Variants in TNFRSF1A observed in about 807,000 individuals in gnomAD.
TNFRSF1A encodes TNF receptor superfamily member 1A.
Under a neutral mutation model 41.6 loss-of-function variants are expected in TNFRSF1A, and 9 were observed. The observed-to-expected ratio is 0.22, with a 90% CI of 0.13 to 0.38. The LOEUF (loss-of-function observed/expected upper bound fraction) is 0.38. Ranked by LOEUF, TNFRSF1A falls within the 10% of genes least tolerant of loss-of-function variation. The probability of loss-of-function intolerance (pLI) is 1.00; values close to 1 mark genes in which losing one functional copy is unlikely to be tolerated. For missense variants in TNFRSF1A, 463 were observed against 591.5 expected (o/e 0.78, Z 2.25); for synonymous variants, 254 against 248.6 (o/e 1.02, Z -0.21).
At position 6,341,751 on chromosome 12, in the gene TNFRSF1A, C is replaced by T. The variant is rs371726702; in HGVS notation, c.39+25G>A. 4.9e-5 allele frequency: 79 copies of T among 1,613,948 alleles called. No homozygotes were observed. The East Asian group carries it at 1.0e-3, about 21-fold the overall frequency. On this transcript the variant is annotated intron_variant, in intron 1 of 9. Coordinates refer to ENST00000162749, the MANE Select transcript of TNFRSF1A (RefSeq NM_001065.4). This position sits in a 1 kb window ranked among gnomAD's most constrained non-coding sequence, Gnocchi z 4.6. Reference sequence around the variant, plus strand: ...GGAAGGTGCCTCGCCCACCAGCCCACTCTTCCCTTTGTCCCTGGTCTCACC... The same window carrying T: ...GGAAGGTGCCTCGCCCACCAGCCCATTCTTCCCTTTGTCCCTGGTCTCACC...
intron 5 of TNFRSF1A, among the ~76,000 whole-genome samples, chr12:6,332,237 C>T (rs1592046284): frequency 1.3e-5 from 2 of 151,182 alleles, no homozygotes; most frequent in East Asian, 3.9e-4. Flanking sequence ...CCCAGGAGTC[C>T]GAGGCCAGCC....
At chr12:6,339,131 G>A (rs935055204) in intron 1 of TNFRSF1A, among the ~76,000 whole-genome samples, 7 of 152,146 alleles carry the variant, frequency 4.6e-5, no homozygotes, top group Non-Finnish European at 1.0e-4. Flanking sequence ...CCCGAACCAA[G>A]GTGTCTGGCT....
chr12:6,333,800 C>T lies in TNFRSF1A; in HGVS notation c.259G>A (p.Gly87Ser), dbSNP rs1274938366. 1.3e-6 allele frequency: 2 copies of T among 1,587,500 alleles called. No homozygotes were observed. The highest frequency in any genetic ancestry group is 1.7e-6 in the Non-Finnish European group (2 of 1,166,146). The change falls in exon 3 of 10, where the codon GGC (glycine) becomes AGC (serine). Residue 87 changes from glycine to serine, a missense_variant. By Grantham distance (56) the Gly-to-Ser change is moderately conservative (BLOSUM62 0). Around this residue, in one of 4 missense-constraint regions of TNFRSF1A, gnomAD observed 149 missense variants for 239.4 expected, o/e 0.62. Transcript: ENST00000162749. The surrounding 1 kb of genome is among the most constrained non-coding windows in gnomAD (Gnocchi z 6.3). Reference sequence around the variant, plus strand: ...TGGTTTTCTGAAGCGGTGAAGGAGCCGCTCTCACACTCCCTGCAGTCCGTA... The same window carrying T: ...TGGTTTTCTGAAGCGGTGAAGGAGCTGCTCTCACACTCCCTGCAGTCCGTA... ...QDTDCRECES[G>S]SFTASENHLR...
intron 8 of TNFRSF1A, 82 bp downstream of exon 8, chr12:6,330,185 A>T: frequency 6.2e-7 from 1 of 1,611,448 alleles, no homozygotes; most frequent in Non-Finnish European, 8.5e-7. Context: ...AAAGTGAAGG[A>T]TGATTCCAGG....
chr12:6,330,141 G>C (rs202108883), intron 8 of TNFRSF1A, 75 bp from the exon 9 acceptor site: 2 of 1,611,138 alleles, frequency 1.2e-6, no homozygotes, highest in Non-Finnish European at 1.7e-6. Context: ...CTACGTGGGG[G>C]TTGGGACTTA....
chr12:6,339,124 G>A (rs1305445525), intron 1 of TNFRSF1A, among the ~76,000 whole-genome samples: 3 of 151,856 alleles, frequency 2.0e-5, no homozygotes, highest in East Asian at 1.9e-4. Context: ...TTCCACTCCC[G>A]AACCAAGGTG....
At position 6,333,413 on chromosome 12, in the gene TNFRSF1A, C is replaced by A; in HGVS notation, c.426G>T (p.Gln142His). 1 of 1,614,036 alleles carries A rather than the reference C, an allele frequency of 6.2e-7. No individual in the cohort carries two copies. Among genetic ancestry groups the A allele is most frequent in the South Asian group, 1.1e-5 (1 of 91,050 alleles). ...YRHYWSENLF[Q>H]CFNCSLCLNG... is the part of the protein sequence containing the mutation. ...TGAGGCAGAGGCTGCAATTGAAGCA[C>A]TGGAAAAGGTTTTCACTCCAATAAT... Residue 142 changes from glutamine to histidine, a missense_variant, in exon 4 of 10, where the codon CAG becomes CAT. Transcript: ENST00000162749. This position sits in a 1 kb window ranked among gnomAD's most constrained non-coding sequence, Gnocchi z 6.3.
Position 6,329,348 on chromosome 12 carries a change from G to T in TNFRSF1A, c.1332C>A (p.Pro444=). 6.8e-7 allele frequency: 1 copy of T among 1,480,526 alleles called. No individual in the cohort carries two copies. The allele number at this position is 1,480,526 out of a possible 1,614,324, so 91.7% of individuals were successfully genotyped here. A position where few individuals can be genotyped will look rare whatever the true frequency, so the allele number is the denominator to read the frequency against. Residue 444 remains proline (P), a synonymous_variant, in exon 10 of 10, where the codon CCC becomes CCA. Transcript: ENST00000162749. Reference sequence around the variant, plus strand: ...GACTGGGCGCGGGCGGGAGGGCGGCGGGGCCGCAAAGCGCCTCCTCGATGT... The same window carrying T: ...GACTGGGCGCGGGCGGGAGGGCGGCTGGGCCGCAAAGCGCCTCCTCGATGT... The part of the protein sequence containing the change: ...LEDIEEALCG[P]AALPPAPSLL...
rs1203963314 is a variant in TNFRSF1A at position 6,333,972 on chromosome 12, G to A, written c.194-107C>T. ...TTCCCTGAAGTCTCTAGGAGAGGAG[G>A]GAGGGAGAAAATCCCAGCCCAGGAG... On this transcript the variant is annotated intron_variant, in intron 2 of 9. Transcript: ENST00000162749. The surrounding 1 kb of genome is among the most constrained non-coding windows in gnomAD (Gnocchi z 6.3). The A allele has an allele frequency of 2.5e-6, 4 of 1,610,504 alleles. No homozygotes were observed. Among genetic ancestry groups the A allele is most frequent in the Non-Finnish European group, 8.5e-7 (1 of 1,177,652 alleles).
rs900353348 is a variant in TNFRSF1A, at chr12:6,341,070, G to A, written c.39+706C>T. Among the ~76,000 whole-genome samples the A allele has an allele frequency of 3.3e-5, 5 of 152,264 alleles. No individual in the cohort carries two copies. The highest frequency in any genetic ancestry group is 6.8e-3 in the Middle Eastern group (2 of 294). ...CCCTGGGAAGGCTCAGTCCCACAGC[G>A]GCTACCTGCCTAGCAGCAGGCAAAA... On this transcript the variant is annotated intron_variant, in intron 1 of 9. Coordinates refer to ENST00000162749, the MANE Select transcript of TNFRSF1A (RefSeq NM_001065.4). This position sits in a 1 kb window ranked among gnomAD's most constrained non-coding sequence, Gnocchi z 4.6.
chr12:6,333,852 G>A lies in TNFRSF1A; in HGVS notation c.207C>T (p.Tyr69=), dbSNP rs1389848403. The change falls in exon 3 of 10, where the codon TAC becomes TAT. Residue 69 remains tyrosine, a synonymous_variant. Transcript: ENST00000162749. The surrounding 1 kb of genome is among the most constrained non-coding windows in gnomAD (Gnocchi z 6.3). Reference sequence around the variant, plus strand: ...CCTGCCCCGGGCCTGGACAGTCATTGTACAAGTAGGTTCCTGTGAATGGGG... The same window carrying A: ...CCTGCCCCGGGCCTGGACAGTCATTATACAAGTAGGTTCCTGTGAATGGGG... ...CTKCHKGTYL[Y]NDCPGPGQDT... is the part of the protein sequence containing the mutation. The A allele has an allele frequency of 6.2e-7, 1 of 1,602,120 alleles. No individual in the cohort carries two copies. The highest frequency in any genetic ancestry group is 8.5e-7 in the Non-Finnish European group (1 of 1,173,770).
chr12:6,339,252 G>T (rs1948156305), intron 1 of TNFRSF1A, among the ~76,000 whole-genome samples: 1 of 152,150 alleles, frequency 6.6e-6, no homozygotes, highest in African/African-American at 2.4e-5. Context: ...GACAGGCAGT[G>T]ACTTCAGATG....
rs1022586669 is a variant in TNFRSF1A, at chr12:6,337,993, A to G, written c.40-3749T>C. Among the ~76,000 whole-genome samples the G allele has an allele frequency of 5.9e-5, 9 of 152,040 alleles. No individual in the cohort carries two copies. Among genetic ancestry groups the G allele is most frequent in the African/African-American group, 1.7e-4 (7 of 41,390 alleles). On this transcript the variant is annotated intron_variant, in intron 1 of 9. Coordinates refer to ENST00000162749, the MANE Select transcript of TNFRSF1A (RefSeq NM_001065.4). The surrounding 1 kb of genome is among the most constrained non-coding windows in gnomAD (Gnocchi z 4.6). Reference sequence around the variant, plus strand: ...TTTATCTCCGGGGGAGAGTTTTCAGACCATCCCCCCACCTCCCCACACACA... The same window carrying G: ...TTTATCTCCGGGGGAGAGTTTTCAGGCCATCCCCCCACCTCCCCACACACA...
chr12:6,330,452 C>A (rs1358873408), intron 7 of TNFRSF1A, 146 bp downstream of exon 7: 1 of 991,490 alleles, frequency 1.0e-6, no homozygotes, highest in Admixed American at 1.9e-5. Context: ...ATCTCCCCAG[C>A]CATCCAGGGC....
At chr12:6,331,519 T>C (rs4149641) in intron 5 of TNFRSF1A, 2,681 of 204,370 alleles carry the variant, frequency 0.013, 76 homozygotes, top group African/African-American at 0.058. Context: ...GAGCACCCTG[T>C]AGAACTAGCA....
chr12:6,338,387 C>A (rs927938800), intron 1 of TNFRSF1A, among the ~76,000 whole-genome samples: 7 of 152,054 alleles, frequency 4.6e-5, no homozygotes, highest in Non-Finnish European at 7.4e-5. Flanking sequence ...TTGCCTCACA[C>A]CTGGGTTATT....
In TNFRSF1A at chr12:6,341,111, C is replaced by T. The variant is rs1948189203; in HGVS notation, c.39+665G>A. Among the ~76,000 whole-genome samples the T allele has an allele frequency of 6.6e-6, 1 of 152,132 alleles. No homozygotes were observed. The highest frequency in any genetic ancestry group is 2.4e-5 in the African/African-American group (1 of 41,486). On this transcript the variant is annotated intron_variant, in intron 1 of 9. Coordinates refer to ENST00000162749, the MANE Select transcript of TNFRSF1A (RefSeq NM_001065.4). The surrounding 1 kb of genome is among the most constrained non-coding windows in gnomAD (Gnocchi z 4.6). ...GCAGGCAAAAGGGTAAAGAATGTCC[C>T]CAGGTGAGAGGCCGGGGCTTGGCCA... is the stretch of plus-strand genomic sequence containing the variant.
rs941886109 is a variant in TNFRSF1A, at chr12:6,337,414, A to G, written c.40-3170T>C. Among the ~76,000 whole-genome samples the G allele has an allele frequency of 6.6e-6, 1 of 152,142 alleles. No individual in the cohort carries two copies. The highest frequency in any genetic ancestry group is 1.5e-5 in the Non-Finnish European group (1 of 68,018). Reference sequence around the variant, plus strand: ...GTGACTTCCTGTGCTGGGGCTGCAGAGTGGGGAGGCGACGCTGAGATCGGC... The same window carrying G: ...GTGACTTCCTGTGCTGGGGCTGCAGGGTGGGGAGGCGACGCTGAGATCGGC... On this transcript the variant is annotated intron_variant, in intron 1 of 9. Coordinates refer to ENST00000162749, the MANE Select transcript of TNFRSF1A (RefSeq NM_001065.4). The surrounding 1 kb of genome is among the most constrained non-coding windows in gnomAD (Gnocchi z 4.6).
At position 6,329,991 on chromosome 12, in the gene TNFRSF1A, T is replaced by G. The variant is rs1592044218; in HGVS notation, c.844A>C (p.Thr282Pro). Residue 282 changes from threonine to proline, a missense_variant, in exon 9 of 10, where the codon ACC becomes CCC. Physicochemically the swap from Thr to Pro is conservative, Grantham distance 38 (BLOSUM62 -1). Around this residue, in one of 4 missense-constraint regions of TNFRSF1A, gnomAD observed 277 missense variants for 288.8 expected, o/e 0.96. Transcript: ENST00000162749. ...CTGGGCACGGGACTGAAGCCCAGGG[T>G]GGGGGTGAAGCCTGGAGTGGGACTG... ...SFSPTPGFTPTLGFSPVPSST... is the reference protein window; with the variant it reads ...SFSPTPGFTPPLGFSPVPSST... 2 of 1,596,166 alleles carry G rather than the reference T, an allele frequency of 1.3e-6. No individual in the cohort carries two copies. Among genetic ancestry groups the G allele is most frequent in the Non-Finnish European group, 1.7e-6 (2 of 1,170,214 alleles).
Sources: allele counts gnomAD v4.1 joint callset (sites outside exome capture counted in the v4.1 genomes callset), GRCh38; gene constraint gnomAD v4.1.1; regional missense constraint gnomAD v4.1.1; non-coding constraint Gnocchi (gnomAD v3.1); transcripts MANE v1.5; gene names NCBI Gene and HGNC (gene_info 2026-07-23, HGNC 2026-07-21).